The following PSMD9 variants were observed in gnomAD, a reference collection of about 807,000 sequenced individuals.
The protein encoded by PSMD9 is proteasome 26S subunit, non-ATPase 9, also known as 26S proteasome non-ATPase regulatory subunit 9.
PSMD9 carries 26 observed loss-of-function variants against 25.9 expected under a neutral mutation model. That is an observed-to-expected ratio of 1.00 (90% CI 0.73 to 1.39). The LOEUF is 1.39. Ranked by LOEUF, PSMD9 falls within the 40% of genes most tolerant of loss-of-function variation. The pLI, the probability that PSMD9 is intolerant of heterozygous loss-of-function variation, is 0.00. For missense variants in PSMD9, 303 were observed against 299.3 expected, an observed-to-expected ratio of 1.01 and a Z score of -0.09; for synonymous variants, 110 against 114.5, an observed-to-expected ratio of 0.96 and a Z score of 0.25.
chr12:121,911,185 GTAT>G (rs1879710165), intron 4 of PSMD9, among the ~76,000 whole-genome samples: 1 of 152,076 alleles, frequency 6.6e-6, no homozygotes, highest in Non-Finnish European at 1.5e-5. Flanking sequence ...GACTACAGGC[GTAT>G]GCCACCAGGC....
At chr12:121,915,297 C>T (rs960781376) in intron 4 of PSMD9, 1 of 150,678 alleles carries the variant, frequency 6.6e-6, no homozygotes, top group Non-Finnish European at 1.5e-5. Flanking sequence ...TGCACTCCAG[C>T]CTGGGTGACA....
At chr12:121,902,643 G>C (rs549592151) in intron 3 of PSMD9, 8 of 214,178 alleles carry the variant, frequency 3.7e-5, no homozygotes, top group Non-Finnish European at 7.7e-5. Flanking sequence ...GAATAAAATG[G>C]GCCCAGCCTG....
chr12:121,889,281 C>G (rs535333463), intron 1 of PSMD9, among the ~76,000 whole-genome samples: 1 of 152,292 alleles, frequency 6.6e-6, no homozygotes, highest in East Asian at 1.9e-4. Flanking sequence ...TTGCAACAAC[C>G]CTTTGAGGTG....
chr12:121,905,324 C>T (rs1042297855), intron 4 of PSMD9, among the ~76,000 whole-genome samples: 3 of 149,004 alleles, frequency 2.0e-5, no homozygotes, highest in African/African-American at 5.0e-5. Flanking sequence ...CCCAGGTTCA[C>T]GCCATTCTCC....
intron 2 of PSMD9, chr12:121,897,494 A>T (rs1445005559): frequency 7.9e-5 from 12 of 151,460 alleles, no homozygotes; most frequent in African/African-American, 2.9e-4. Context: ...CTGGTCTTGA[A>T]CTCCTGACCT....
In PSMD9 at chr12:121,896,634, C is replaced by T. The variant is rs146429089; in HGVS notation, c.241+1793C>T. ...GGCAGATCACCTGAGGTCGGGAGTT[C>T]GAGACCAGCCTGACCAACATGGAGA... On this transcript the variant is annotated intron_variant, in intron 2 of 5. Transcript: ENST00000541212. 1.3e-4 allele frequency among the ~76,000 whole-genome samples: 20 copies of T among 151,742 alleles called. No homozygotes were observed. In the East Asian group the frequency reaches 2.3e-3, roughly 18 times the overall value.
intron 2 of PSMD9, among the ~76,000 whole-genome samples, chr12:121,896,473 CAAAAA>C (rs1321178594): frequency 6.7e-6 from 1 of 148,558 alleles, no homozygotes; most frequent in African/African-American, 2.5e-5. Flanking sequence ...AACTCTGTCT[CAAAAA>C]AAAGAAAGAA....
rs1045398453 is a variant in PSMD9 at position 121,917,345 on chromosome 12, A to G, written c.*1034A>G. ...CTGGCTATGCCCTGAGATCAGCGCT[A>G]TTTTGTAAACCGCTGAGGTATGGAT... On this transcript the variant is annotated 3_prime_UTR_variant, in exon 6 of 6. Transcript: ENST00000541212. 2.0e-5 allele frequency: 3 copies of G among 152,252 alleles called. No individual in the cohort carries two copies. The highest frequency in any genetic ancestry group is 4.4e-5 in the Non-Finnish European group (3 of 68,056). 9.4% of individuals were successfully genotyped at this position (152,252 alleles called of 1,614,324 possible).
intron 4 of PSMD9, among the ~76,000 whole-genome samples, chr12:121,913,177 T>C (rs1350453078): frequency 1.3e-5 from 2 of 151,960 alleles, no homozygotes; most frequent in Admixed American, 6.6e-5. Context: ...ATCTCCTGAC[T>C]TTGTGATCTG....
intron 4 of PSMD9, among the ~76,000 whole-genome samples, chr12:121,907,715 G>A (rs1389249871): frequency 6.6e-6 from 1 of 152,128 alleles, no homozygotes; most frequent in Admixed American, 6.6e-5. Context: ...CTTTAAAATG[G>A]TGAATTTTAT....
intron 4 of PSMD9, among the ~76,000 whole-genome samples, chr12:121,911,654 A>T (rs1008000271): frequency 2.7e-5 from 4 of 146,214 alleles, no homozygotes; most frequent in African/African-American, 1.0e-4. Context: ...ACTTCAATAT[A>T]TGAACTTTTT....
chr12:121,902,758 C>T (rs1879437631), intron 3 of PSMD9: 3 of 441,990 alleles, frequency 6.8e-6, no homozygotes, highest in Non-Finnish European at 1.3e-5. Context: ...ACTGCCAGCT[C>T]TCAGACATTG....
At chr12:121,893,368 C>T (rs1054022118) in intron 1 of PSMD9, among the ~76,000 whole-genome samples, 1 of 152,154 alleles carries the variant, frequency 6.6e-6, no homozygotes. Flanking sequence ...AATGGAATCC[C>T]TCTTCTCAGT....
intron 4 of PSMD9, among the ~76,000 whole-genome samples, chr12:121,909,790 T>A (rs1879664494): frequency 6.6e-6 from 1 of 152,162 alleles, no homozygotes; most frequent in African/African-American, 2.4e-5. Flanking sequence ...TTAGCCAGCC[T>A]CCCATGTTCG....
intron 4 of PSMD9, 108 bp downstream of exon 4, chr12:121,903,215 C>G (rs1417254913): frequency 4.1e-5 from 41 of 1,011,990 alleles, no homozygotes; most frequent in Non-Finnish European, 5.8e-5. Context: ...GCTCTGGAGG[C>G]AGGGAAGTCC....
chr12:121,899,782 G>A lies in PSMD9; in HGVS notation c.390G>A (p.Gln130=), dbSNP rs75670767. 6.2e-7 allele frequency: 1 copy of A among 1,614,124 alleles called. No individual in the cohort carries two copies. Among genetic ancestry groups the A allele is most frequent in the Non-Finnish European group, 8.5e-7 (1 of 1,179,966 alleles). The change falls in exon 3 of 6, where the codon CAG becomes CAA. Residue 130 remains glutamine, a synonymous_variant. Coordinates refer to ENST00000541212, the MANE Select transcript of PSMD9 (RefSeq NM_002813.7). ...MSRKLGQSES[Q]GPPRAFAKVN... is the part of the protein sequence containing the mutation. Reference sequence around the variant, plus strand: ...GCAAACTGGGTCAGAGTGAGAGCCAGGGCCCTCCACGGGCCTTCGCCAAAG... The same window carrying A: ...GCAAACTGGGTCAGAGTGAGAGCCAAGGCCCTCCACGGGCCTTCGCCAAAG...
rs1327359518 is a variant in PSMD9, at chr12:121,894,780, G to A, written c.180G>A (p.Glu60=). ...TGAACGAGCCGCTGGTGGACTGTGA[G>A]GGCTACCCCCGGTCAGACGTGGACC... The part of the protein sequence containing the change: ...IGMNEPLVDC[E]GYPRSDVDLY... Residue 60 remains glutamate (E), a synonymous_variant, in exon 2 of 6, where the codon GAG becomes GAA. Coordinates refer to ENST00000541212, the MANE Select transcript of PSMD9 (RefSeq NM_002813.7). The A allele has an allele frequency of 6.2e-7, 1 of 1,614,130 alleles. No individual in the cohort carries two copies.
chr12:121,894,637 A>T, intron 1 of PSMD9, 102 bp from the exon 2 acceptor site: 2 of 978,958 alleles, frequency 2.0e-6, no homozygotes, highest in Non-Finnish European at 3.2e-6. Context: ...AGTTTTCATT[A>T]CTGTCACCTT....
chr12:121,890,460 G>A (rs368725080), intron 1 of PSMD9, among the ~76,000 whole-genome samples: 1 of 151,914 alleles, frequency 6.6e-6, no homozygotes, highest in Non-Finnish European at 1.5e-5. Flanking sequence ...TTATATAAAT[G>A]TATTATTATT....
Sources: gnomAD v4.1 joint callset for allele counts (sites outside exome capture counted in the v4.1 genomes callset) on GRCh38, gnomAD v4.1.1 for gene constraint, MANE v1.5 for transcripts, NCBI Gene and HGNC (gene_info 2026-07-23, HGNC 2026-07-21) for gene names.